The following MTHFD2L variants were observed in gnomAD, a reference collection of about 807,000 sequenced individuals.
MTHFD2L encodes the protein methylenetetrahydrofolate dehydrogenase (NADP+ dependent) 2 like.
Under a neutral mutation model 34.9 loss-of-function variants are expected in MTHFD2L, and 29 were observed. The ratio of observed to expected loss-of-function variants is 0.83; its 90% confidence interval spans 0.62 to 1.13. The LOEUF (loss-of-function observed/expected upper bound fraction) is 1.13, where lower values mean the gene tolerates loss of function less well. MTHFD2L is among the 50% of genes most tolerant of loss of function. The pLI, the probability that MTHFD2L is intolerant of heterozygous loss-of-function variation, is 0.00. For synonymous variants in MTHFD2L, 167 were observed against 155.7 expected, an observed-to-expected ratio of 1.07 and a Z score of -0.54; for missense variants, 481 against 446.5, an observed-to-expected ratio of 1.08 and a Z score of -0.70.
At chr4:74,206,843 TACTA>T (rs138014622) in intron 5 of MTHFD2L, among the ~76,000 whole-genome samples, 98 of 152,306 alleles carry the variant, frequency 6.4e-4, no homozygotes, top group African/African-American at 2.0e-3. Context: ...GCATTATGGT[TACTA>T]ACTGTCATAA....
intron 6 of MTHFD2L, among the ~76,000 whole-genome samples, chr4:74,262,934 G>A (rs1031560871): frequency 1.3e-5 from 2 of 151,932 alleles, no homozygotes; most frequent in Non-Finnish European, 2.9e-5. Context: ...GTTGGTGATA[G>A]TAAATAATTG....
chr4:74,290,791 G>A (rs1032499814), intron 7 of MTHFD2L, among the ~76,000 whole-genome samples: 4 of 151,848 alleles, frequency 2.6e-5, no homozygotes, highest in African/African-American at 9.7e-5. Flanking sequence ...CTCTTCCAGT[G>A]TAGTCTGTTC....
chr4:74,278,421 C>T (rs984275194), intron 6 of MTHFD2L, among the ~76,000 whole-genome samples: 2 of 151,960 alleles, frequency 1.3e-5, no homozygotes, highest in Non-Finnish European at 2.9e-5. Context: ...CCATTCTGTC[C>T]AATTTGATGT....
intron 6 of MTHFD2L, among the ~76,000 whole-genome samples, chr4:74,279,036 A>G (rs950003813): frequency 1.3e-5 from 2 of 152,108 alleles, no homozygotes; most frequent in East Asian, 1.9e-4. Context: ...AGTTCAGTGA[A>G]AAGTTTTCTA....
At chr4:74,200,066 C>T (rs1734158382) in intron 4 of MTHFD2L, 120 bp downstream of exon 4, 5 of 832,714 alleles carry the variant, frequency 6.0e-6, no homozygotes, top group Non-Finnish European at 3.7e-6. Context: ...ATCCATAAAA[C>T]GTCAGTGTAC....
chr4:74,121,645 T>C (rs1277870736), upstream of MTHFD2L, among the ~76,000 whole-genome samples: 3 of 145,008 alleles, frequency 2.1e-5, no homozygotes, highest in Non-Finnish European at 4.5e-5. Context: ...ATTATACATA[T>C]ATAATTATAT....
intron 1 of MTHFD2L, among the ~76,000 whole-genome samples, chr4:74,130,552 A>C (rs767001516): frequency 6.6e-6 from 1 of 152,072 alleles, no homozygotes; most frequent in African/African-American, 2.4e-5. Flanking sequence ...CCTGCTAAAA[A>C]CTCTCAATAC....
intron 6 of MTHFD2L, among the ~76,000 whole-genome samples, chr4:74,277,269 G>C (rs146100214): frequency 3.9e-4 from 59 of 151,580 alleles, no homozygotes; most frequent in South Asian, 3.1e-3. Flanking sequence ...TCTTATCTGT[G>C]CTTGCCCCAT....
chr4:74,185,151 CAAAAAAAAAAA>C (rs1169021073), intron 3 of MTHFD2L, among the ~76,000 whole-genome samples: 4 of 15,978 alleles, frequency 2.5e-4, no homozygotes, highest in Non-Finnish European at 5.3e-4. Context: ...GACTCCATCT[CAAAAAAAAAAA>C]AAAAAAAAAA....
At chr4:74,286,543 G>A (rs1279941085) in intron 7 of MTHFD2L, among the ~76,000 whole-genome samples, 1 of 152,142 alleles carries the variant, frequency 6.6e-6, no homozygotes, top group Non-Finnish European at 1.5e-5. Flanking sequence ...TGTAGTCCTA[G>A]ACTCAAAAAC....
At chr4:74,186,549 C>T (rs1020672058) in intron 3 of MTHFD2L, among the ~76,000 whole-genome samples, 6 of 150,542 alleles carry the variant, frequency 4.0e-5, no homozygotes, top group Non-Finnish European at 7.4e-5. Flanking sequence ...ATACTTTCAA[C>T]CAGATATTGA....
At chr4:74,176,649 A>G (rs1274512101) in intron 3 of MTHFD2L, among the ~76,000 whole-genome samples, 1 of 152,020 alleles carries the variant, frequency 6.6e-6, no homozygotes, top group African/African-American at 2.4e-5. Flanking sequence ...TTCTGTAGTG[A>G]TCTGTGGACT....
chr4:74,198,500 A>G (rs889242407), intron 3 of MTHFD2L, among the ~76,000 whole-genome samples: 1 of 145,886 alleles, frequency 6.9e-6, no homozygotes, highest in Non-Finnish European at 1.5e-5. Flanking sequence ...CTTTTCATCT[A>G]TAAAGCTTTT....
chr4:74,254,650 T>A (rs1487576563), intron 6 of MTHFD2L, among the ~76,000 whole-genome samples: 2 of 148,456 alleles, frequency 1.3e-5, no homozygotes, highest in Non-Finnish European at 3.0e-5. Flanking sequence ...AAATGCTAAA[T>A]TGAGTTCTTC....
chr4:74,290,692 C>T (rs1048281628), intron 7 of MTHFD2L, among the ~76,000 whole-genome samples: 1 of 151,920 alleles, frequency 6.6e-6, no homozygotes, highest in African/African-American at 2.4e-5. Flanking sequence ...CACGTTTTCT[C>T]TCCATTCCCA....
At chr4:74,252,348 A>C (rs1743432782) in intron 6 of MTHFD2L, among the ~76,000 whole-genome samples, 1 of 152,244 alleles carries the variant, frequency 6.6e-6, no homozygotes, top group South Asian at 2.1e-4. Context: ...GTAGGATGAG[A>C]TATCTCGGGG....
At chr4:74,291,278 G>A (rs1041373522) in intron 7 of MTHFD2L, among the ~76,000 whole-genome samples, 1 of 151,850 alleles carries the variant, frequency 6.6e-6, no homozygotes, top group Admixed American at 6.6e-5. Flanking sequence ...GCCTCCCAAA[G>A]TGCTGGGATT....
intron 1 of MTHFD2L, among the ~76,000 whole-genome samples, chr4:74,148,316 C>CA (rs2109850737): frequency 3.0e-3 from 1 of 330 alleles, no homozygotes; most frequent in Non-Finnish European, 8.8e-3. Flanking sequence ...TATTTGTGGT[C>CA]CCCCCCTTTT....
At chr4:74,125,972 C>A (rs1358490809) in intron 1 of MTHFD2L, among the ~76,000 whole-genome samples, 2 of 152,160 alleles carry the variant, frequency 1.3e-5, no homozygotes, top group African/African-American at 4.8e-5. Flanking sequence ...CCACCCATAT[C>A]ATCTGATCTG....
Sources: gnomAD v4.1 joint callset for allele counts (sites outside exome capture counted in the v4.1 genomes callset) on GRCh38, gnomAD v4.1.1 for gene constraint, MANE v1.5 for transcripts, NCBI Gene and HGNC (gene_info 2026-07-23, HGNC 2026-07-21) for gene names.